SNX30: variants seen among roughly 807,000 people sequenced by gnomAD.
SNX30 encodes the protein sorting nexin family member 30.
Under a neutral mutation model 46.4 loss-of-function variants are expected in SNX30, and 24 were observed. The ratio of observed to expected loss-of-function variants is 0.52; its 90% CI spans 0.37 to 0.73. The LOEUF (loss-of-function observed/expected upper bound fraction) is 0.73, where lower values mean the gene tolerates loss of function less well. Ranked by LOEUF, SNX30 falls within the 30% of genes least tolerant of loss-of-function variation. The probability of loss-of-function intolerance (pLI) is 0.00; values close to 1 mark genes in which losing one functional copy is unlikely to be tolerated. For missense variants in SNX30, 533 were observed against 555.7 expected (o/e 0.96, Z 0.41); for synonymous variants, 189 against 211.5 (o/e 0.89, Z 0.92).
chr9:112,861,034 T>G (rs1425378800), intron 7 of SNX30, among the ~76,000 whole-genome samples: 1 of 152,188 alleles, frequency 6.6e-6, no homozygotes, highest in Non-Finnish European at 1.5e-5. Flanking sequence ...GAAAATACAT[T>G]GCAAGAGTGC....
intron 1 of SNX30, among the ~76,000 whole-genome samples, chr9:112,780,249 C>T (rs531876852): frequency 1.3e-5 from 2 of 152,280 alleles, no homozygotes; most frequent in East Asian, 3.9e-4. Context: ...AGGGCAAACC[C>T]AATCACAGCC....
chr9:112,775,592 A>G (rs1031606275), intron 1 of SNX30, among the ~76,000 whole-genome samples: 2 of 67,756 alleles, frequency 3.0e-5, no homozygotes, highest in Admixed American at 2.9e-4. Context: ...GTGTGTAGGC[A>G]ATGCATTCTC....
intron 3 of SNX30, among the ~76,000 whole-genome samples, chr9:112,819,449 T>G (rs1840457933): frequency 6.6e-6 from 1 of 151,996 alleles, no homozygotes; most frequent in South Asian, 2.1e-4. Context: ...GTATTTTTAG[T>G]GGAGATGAGA....
chr9:112,844,448 C>T (rs924179073), intron 6 of SNX30, among the ~76,000 whole-genome samples: 10 of 151,992 alleles, frequency 6.6e-5, no homozygotes, highest in South Asian at 2.1e-4. Context: ...TCTCTGAGAC[C>T]GATGGAGATT....
At chr9:112,797,987 C>T (rs1160978843) in intron 1 of SNX30, among the ~76,000 whole-genome samples, 2 of 150,450 alleles carry the variant, frequency 1.3e-5, no homozygotes, top group Non-Finnish European at 3.0e-5. Flanking sequence ...GCTGTAATTA[C>T]AGGCGTGAGG....
intron 4 of SNX30, among the ~76,000 whole-genome samples, chr9:112,832,485 T>TGAGAGAGAGAGAGAGA: frequency 7.7e-6 from 1 of 130,486 alleles, no homozygotes; most frequent in African/African-American, 3.2e-5. Context: ...TGTGTGTGTG[T>TGAGAGAGAGAGAGAGA]GTGTGTGTGT....
chr9:112,772,505 G>T (rs1370194581), intron 1 of SNX30, among the ~76,000 whole-genome samples: 1 of 152,178 alleles, frequency 6.6e-6, no homozygotes, highest in East Asian at 1.9e-4. Context: ...TGTGGTACTC[G>T]TGTGTGCGTG....
At chr9:112,845,639 C>T (rs997959888) in intron 6 of SNX30, among the ~76,000 whole-genome samples, 32 of 152,144 alleles carry the variant, frequency 2.1e-4, no homozygotes, top group Non-Finnish European at 4.4e-4. Context: ...CTTAGATCTT[C>T]CATGCAAGGA....
At chr9:112,790,519 G>A (rs1392464574) in intron 1 of SNX30, among the ~76,000 whole-genome samples, 1 of 152,128 alleles carries the variant, frequency 6.6e-6, no homozygotes, top group Non-Finnish European at 1.5e-5. Flanking sequence ...GCATGCGTTG[G>A]CTCTTAAAGG....
intron 8 of SNX30, 21 bp downstream of exon 8, chr9:112,864,420 G>A (rs748915299): frequency 6.2e-7 from 1 of 1,613,810 alleles, no homozygotes; most frequent in Non-Finnish European, 8.5e-7. Context: ...TGCCCAACAA[G>A]ACTGGTTTCT....
At chr9:112,839,073 T>C (rs912097256) in intron 6 of SNX30, among the ~76,000 whole-genome samples, 4 of 151,632 alleles carry the variant, frequency 2.6e-5, no homozygotes, top group Non-Finnish European at 5.9e-5. Flanking sequence ...AATCTTAAAG[T>C]AAGACAAAAC....
chr9:112,808,348 C>T (rs1004758902), intron 2 of SNX30, among the ~76,000 whole-genome samples: 1 of 152,138 alleles, frequency 6.6e-6, no homozygotes, highest in Admixed American at 6.6e-5. Flanking sequence ...CTCTTTTTGC[C>T]TGAGCTAAAA....
intron 1 of SNX30, among the ~76,000 whole-genome samples, chr9:112,784,119 A>G (rs1246106186): frequency 6.6e-6 from 1 of 152,018 alleles, no homozygotes; most frequent in Non-Finnish European, 1.5e-5. Context: ...TTTTCCACCT[A>G]GGAAACATTC....
intron 2 of SNX30, 132 bp from the exon 3 acceptor site, chr9:112,817,573 T>G (rs530788429): frequency 1.6e-6 from 1 of 624,612 alleles, no homozygotes; most frequent in East Asian, 2.8e-5. Flanking sequence ...AACTCTGCCA[T>G]TTGGCTGTTG....
chr9:112,755,459 G>A (rs1366661388), intron 1 of SNX30, among the ~76,000 whole-genome samples: 1 of 151,982 alleles, frequency 6.6e-6, no homozygotes, highest in Non-Finnish European at 1.5e-5. Context: ...GTCACCCTGA[G>A]GACTTTGGCC....
chr9:112,884,509 C>A (rs1388707961), downstream of SNX30, among the ~76,000 whole-genome samples: 2 of 152,208 alleles, frequency 1.3e-5, no homozygotes, highest in Non-Finnish European at 2.9e-5. Context: ...ACCAGAGATT[C>A]TCAATCTTGG....
chr9:112,762,109 G>A (rs936105713), intron 1 of SNX30, among the ~76,000 whole-genome samples: 2 of 152,152 alleles, frequency 1.3e-5, no homozygotes, highest in African/African-American at 4.8e-5. Flanking sequence ...GAGCAATGGG[G>A]TTTGTTTACT....
At chr9:112,839,173 TC>T (rs1840815748) in intron 6 of SNX30, among the ~76,000 whole-genome samples, 1 of 152,152 alleles carries the variant, frequency 6.6e-6, no homozygotes, top group Non-Finnish European at 1.5e-5. Flanking sequence ...AGGTTCAGCA[TC>T]CGACTGATAA....
At chr9:112,865,624 C>CATATATATATATATATATATAT (rs796986603) in intron 8 of SNX30, among the ~76,000 whole-genome samples, 5 of 79,004 alleles carry the variant, frequency 6.3e-5, no homozygotes, top group African/African-American at 2.3e-4. Flanking sequence ...CCTGTCACGC[C>CATATATATATATATATATATAT]ATATATATAT....
Sources: allele counts gnomAD v4.1 joint callset (sites outside exome capture counted in the v4.1 genomes callset), GRCh38; gene constraint gnomAD v4.1.1; transcripts MANE v1.5; gene names NCBI Gene and HGNC (gene_info 2026-07-23, HGNC 2026-07-21).